Variants in DLG2 observed in about 807,000 individuals in gnomAD.
DLG2 encodes disks large homolog 2.
Under a neutral mutation model 132.5 loss-of-function variants are expected in DLG2, and 45 were observed. The ratio of observed to expected loss-of-function variants is 0.34; its 90% CI spans 0.27 to 0.44. DLG2 has a LOEUF of 0.44. Among genes scored for constraint, DLG2 ranks in the 20% least tolerant of loss-of-function variants. The pLI is 1.00. For missense variants in DLG2, 1,045 were observed against 1,196.9 expected (o/e 0.87, Z 1.87); for synonymous variants, 424 against 419.6 (o/e 1.01, Z -0.13).
rs572278616 is a variant in DLG2 at position 85,013,932 on chromosome 11, A to G, written c.357+97729T>C. On this transcript the variant is annotated intron_variant, in intron 6 of 27. Coordinates refer to ENST00000376104, the MANE Select transcript of DLG2 (RefSeq NM_001142699.3). ...AGAATGAGTGATTTTTCTTTAAAAG[A>G]CTTTTTTTGGTAAGAATACATAGTA... Among the ~76,000 whole-genome samples the G allele has an allele frequency of 5.3e-5, 8 of 152,268 alleles. 1 individual carries two copies. In the East Asian group the frequency reaches 1.2e-3, roughly 22 times the overall value.
chr11:84,984,516 A>G (rs2056216879), intron 6 of DLG2, among the ~76,000 whole-genome samples: 1 of 151,958 alleles, frequency 6.6e-6, no homozygotes, highest in Non-Finnish European at 1.5e-5. Flanking sequence ...GAAACACATC[A>G]AAACAGAACC....
intron 7 of DLG2, among the ~76,000 whole-genome samples, chr11:84,396,920 C>T (rs1407716201): frequency 6.6e-6 from 1 of 152,028 alleles, no homozygotes; most frequent in Non-Finnish European, 1.5e-5. Context: ...GGTTTGGGAC[C>T]CAAAGGTCCT....
At chr11:83,664,471 G>T (rs759192484) in intron 18 of DLG2, among the ~76,000 whole-genome samples, 6 of 151,456 alleles carry the variant, frequency 4.0e-5, no homozygotes, top group Non-Finnish European at 7.4e-5. Flanking sequence ...CTTACTGAAA[G>T]AATCTGAGGG....
chr11:84,986,710 G>T (rs563841156), intron 6 of DLG2, among the ~76,000 whole-genome samples: 3 of 152,022 alleles, frequency 2.0e-5, no homozygotes, highest in South Asian at 2.1e-4. Flanking sequence ...AAAATTCAGC[G>T]TATTTTTATA....
intron 6 of DLG2, among the ~76,000 whole-genome samples, chr11:84,816,554 G>A (rs1291779423): frequency 6.6e-6 from 1 of 151,738 alleles, no homozygotes; most frequent in Non-Finnish European, 1.5e-5. Context: ...CTATTTTTGA[G>A]CATTTACTGG....
At chr11:83,993,531 C>A (rs997982314) in intron 11 of DLG2, among the ~76,000 whole-genome samples, 2 of 152,074 alleles carry the variant, frequency 1.3e-5, no homozygotes, top group African/African-American at 4.8e-5. Flanking sequence ...TATCATTGAC[C>A]AAATTGTTTT....
rs1021428467 is a variant in DLG2 at position 83,963,936 on chromosome 11, C to A, written c.1202-913G>T. Among the ~76,000 whole-genome samples the A allele has an allele frequency of 2.1e-4, 32 of 151,986 alleles. 1 individual carries two copies. The highest frequency in any genetic ancestry group is 7.2e-4 in the African/African-American group (30 of 41,424). On this transcript the variant is annotated intron_variant, in intron 13 of 27. Coordinates refer to ENST00000376104, the MANE Select transcript of DLG2 (RefSeq NM_001142699.3). ...TGTTCCAAAGACAGATGATGTATCT[C>A]TTTTCTTTGAGTTCCCAAATAACAT... is the stretch of plus-strand genomic sequence containing the variant.
At chr11:84,689,442 A>G (rs1368545251) in intron 6 of DLG2, among the ~76,000 whole-genome samples, 1 of 152,098 alleles carries the variant, frequency 6.6e-6, no homozygotes, top group Non-Finnish European at 1.5e-5. Context: ...TCAATAGAAT[A>G]TTTAACTTTA....
At chr11:83,880,978 T>C (rs1431578144) in intron 15 of DLG2, among the ~76,000 whole-genome samples, 1 of 152,204 alleles carries the variant, frequency 6.6e-6, no homozygotes, top group Non-Finnish European at 1.5e-5. Flanking sequence ...TTTGCTTGTA[T>C]GTGCTTACAT....
rs117970905 is a variant in DLG2 at position 84,336,334 on chromosome 11, A to G, written c.520-85043T>C. Among the ~76,000 whole-genome samples the G allele has an allele frequency of 3.3e-4, 51 of 152,272 alleles. No homozygotes were observed. In the East Asian group the frequency reaches 6.0e-3, roughly 18 times the overall value. On this transcript the variant is annotated intron_variant, in intron 7 of 27. Transcript: ENST00000376104. ...TAGCTTCATCTCTCCCTGTTCCCCAATCTTCTACTGCAAGCCCAGTGTCTT... is the reference window on the plus strand; with the variant it reads ...TAGCTTCATCTCTCCCTGTTCCCCAGTCTTCTACTGCAAGCCCAGTGTCTT...
chr11:85,176,039 C>G (rs147777449), intron 4 of DLG2, among the ~76,000 whole-genome samples: 3,631 of 152,232 alleles, frequency 0.024, 148 homozygotes, highest in African/African-American at 0.083. Flanking sequence ...CCATACTGCC[C>G]AAAGTAACTT....
At chr11:84,225,121 A>G (rs1212133866) in intron 8 of DLG2, among the ~76,000 whole-genome samples, 1 of 152,218 alleles carries the variant, frequency 6.6e-6, no homozygotes, top group Non-Finnish European at 1.5e-5. Flanking sequence ...TCTTGAAGCC[A>G]TAGTCTCTAT....
intron 2 of DLG2, among the ~76,000 whole-genome samples, chr11:85,621,059 C>A (rs955040989): frequency 1.3e-5 from 2 of 152,182 alleles, no homozygotes; most frequent in African/African-American, 4.8e-5. Flanking sequence ...AGCCAATGCT[C>A]ATTTACCCTT....
At chr11:84,002,618 A>G (rs2094407491) in intron 11 of DLG2, among the ~76,000 whole-genome samples, 1 of 152,030 alleles carries the variant, frequency 6.6e-6, no homozygotes, top group South Asian at 2.1e-4. Flanking sequence ...GGCCCCTTTT[A>G]CTCATGGCTG....
intron 18 of DLG2, among the ~76,000 whole-genome samples, chr11:83,768,529 A>T (rs1226063): frequency 0.83 from 126,599 of 152,212 alleles, 53,288 homozygotes; most frequent in East Asian, 1. Context: ...TGCTTTCTTT[A>T]ACATCCAGTT....
chr11:84,657,410 C>T (rs1196346746), intron 6 of DLG2, among the ~76,000 whole-genome samples: 1 of 152,046 alleles, frequency 6.6e-6, no homozygotes, highest in African/African-American at 2.4e-5. Flanking sequence ...GCCTCCCTGC[C>T]CCTAGAACAT....
At chr11:84,494,622 T>C (rs1378390745) in intron 7 of DLG2, among the ~76,000 whole-genome samples, 1 of 152,110 alleles carries the variant, frequency 6.6e-6, no homozygotes, top group Non-Finnish European at 1.5e-5. Flanking sequence ...TAATGACTGA[T>C]AGATAAACAT....
intron 3 of DLG2, among the ~76,000 whole-genome samples, chr11:85,358,364 C>A (rs915404553): frequency 6.6e-6 from 1 of 152,174 alleles, no homozygotes; most frequent in Admixed American, 6.5e-5. Flanking sequence ...ATAACACCCT[C>A]TACAAGCAGT....
chr11:85,216,704 T>C (rs2082623412), intron 4 of DLG2, among the ~76,000 whole-genome samples: 1 of 152,076 alleles, frequency 6.6e-6, no homozygotes, highest in African/African-American at 2.4e-5. Flanking sequence ...AAATACCTTT[T>C]TTTTTTCTTG....
Sources: allele counts gnomAD v4.1 joint callset (sites outside exome capture counted in the v4.1 genomes callset), GRCh38; gene constraint gnomAD v4.1.1; transcripts MANE v1.5; gene names NCBI Gene and HGNC (gene_info 2026-07-23, HGNC 2026-07-21).